EPB41L5: variants seen among roughly 807,000 people sequenced by gnomAD.
EPB41L5 encodes the protein erythrocyte membrane protein band 4.1 like 5.
A neutral mutation model predicts 106.6 loss-of-function variants in EPB41L5; 55 were observed. The ratio of observed to expected loss-of-function variants is 0.52; its 90% CI spans 0.42 to 0.65. The LOEUF is 0.65. EPB41L5 is among the 30% of genes least tolerant of loss of function. EPB41L5 has a pLI of 0.00. For missense variants in EPB41L5, 871 were observed against 882.1 expected, an observed-to-expected ratio of 0.99 and a Z score of 0.16; for synonymous variants, 297 against 306.7, an observed-to-expected ratio of 0.97 and a Z score of 0.33.
chr2:120,120,853 C>T (rs1665062), intron 16 of EPB41L5, among the ~76,000 whole-genome samples: 151,966 of 152,340 alleles, frequency 1, 75,798 homozygotes, highest in Middle Eastern at 1. Context: ...CAGTGGCTCA[C>T]GCCTGCAATC....
intron 20 of EPB41L5, among the ~76,000 whole-genome samples, chr2:120,159,935 G>T (rs1289717256): frequency 6.6e-6 from 1 of 152,200 alleles, no homozygotes; most frequent in African/African-American, 2.4e-5. Flanking sequence ...AGAAATATGG[G>T]TGGAGCTGGA....
chr2:120,119,469 A>G (rs1013509953), intron 16 of EPB41L5, among the ~76,000 whole-genome samples: 1 of 152,060 alleles, frequency 6.6e-6, no homozygotes, highest in Non-Finnish European at 1.5e-5. Flanking sequence ...ATTTTCTTCT[A>G]GGGTTTTTAT....
At chr2:120,047,523 C>T (rs904658670) in intron 3 of EPB41L5, among the ~76,000 whole-genome samples, 4 of 151,948 alleles carry the variant, frequency 2.6e-5, no homozygotes, top group African/African-American at 9.7e-5. Flanking sequence ...TATCCTGAGA[C>T]TTTGCTGAAG....
intron 20 of EPB41L5, among the ~76,000 whole-genome samples, chr2:120,151,534 A>G (rs1686673041): frequency 6.7e-6 from 1 of 149,022 alleles, no homozygotes; most frequent in South Asian, 2.2e-4. Flanking sequence ...ACTACAAAAC[A>G]CCACTGACCT....
rs573477552 is a variant in EPB41L5, at chr2:120,048,542, TTCTG to T, written c.285+6436_285+6439del. Among the ~76,000 whole-genome samples the T allele has an allele frequency of 3.1e-3, 473 of 152,320 alleles. 2 individuals carry two copies. The highest frequency in any genetic ancestry group is 0.01 in the African/African-American group (428 of 41,580). On this transcript the variant is annotated intron_variant, in intron 3 of 24. Coordinates refer to ENST00000263713, the MANE Select transcript of EPB41L5 (RefSeq NM_020909.4). ...ATTTTTTATTGCGTCTATTTGATTC[TTCTG>T]TCTATTAGTCTTGCTAGCGGTCTGT...
At chr2:120,044,141 TAA>T (rs201677401) in intron 3 of EPB41L5, among the ~76,000 whole-genome samples, 48 of 130,934 alleles carry the variant, frequency 3.7e-4, no homozygotes, top group Non-Finnish European at 3.6e-4. Context: ...CCCTGTCTCT[TAA>T]AAAAAAAAAA....
chr2:120,165,934 C>T (rs1178588917), intron 22 of EPB41L5, among the ~76,000 whole-genome samples: 1 of 136,836 alleles, frequency 7.3e-6, no homozygotes, highest in African/African-American at 2.7e-5. Flanking sequence ...CACCATTGCA[C>T]TCCAGTCTGG....
At chr2:120,027,194 A>G (rs1678386401) in intron 2 of EPB41L5, among the ~76,000 whole-genome samples, 1 of 152,360 alleles carries the variant, frequency 6.6e-6, no homozygotes. Flanking sequence ...ATTTCTAGGT[A>G]TATCTCCAAG....
intron 2 of EPB41L5, among the ~76,000 whole-genome samples, chr2:120,025,323 G>A (rs1678230252): frequency 6.6e-6 from 1 of 152,150 alleles, no homozygotes; most frequent in Non-Finnish European, 1.5e-5. Flanking sequence ...TTGTATTTCT[G>A]TGGGATCAGT....
At chr2:120,102,192 CTT>C (rs1264572163) in intron 16 of EPB41L5, among the ~76,000 whole-genome samples, 2 of 152,126 alleles carry the variant, frequency 1.3e-5, no homozygotes, top group African/African-American at 4.8e-5. Flanking sequence ...GACACTGAAT[CTT>C]TGAGTTTTTC....
At chr2:120,139,386 GA>G (rs1384593328) in intron 18 of EPB41L5, among the ~76,000 whole-genome samples, 1 of 151,962 alleles carries the variant, frequency 6.6e-6, no homozygotes, top group Non-Finnish European at 1.5e-5. Context: ...AAAGTGAAGA[GA>G]TGACCCACAG....
intron 1 of EPB41L5, among the ~76,000 whole-genome samples, chr2:120,018,761 C>T (rs1455250743): frequency 6.6e-6 from 1 of 152,078 alleles, no homozygotes; most frequent in Non-Finnish European, 1.5e-5. Context: ...ATCCTTCTGC[C>T]TCACAGCCCC....
intron 24 of EPB41L5, among the ~76,000 whole-genome samples, chr2:120,172,941 G>A (rs1687748860): frequency 6.6e-6 from 1 of 152,140 alleles, no homozygotes; most frequent in Non-Finnish European, 1.5e-5. Flanking sequence ...TACCTGAGAG[G>A]TTAGGGATAG....
At chr2:120,045,588 A>G (rs72840494) in intron 3 of EPB41L5, among the ~76,000 whole-genome samples, 7,002 of 152,284 alleles carry the variant, frequency 0.046, 230 homozygotes, top group Non-Finnish European at 0.071. Flanking sequence ...GACTGTATTC[A>G]GATAATGTTA....
intron 3 of EPB41L5, among the ~76,000 whole-genome samples, chr2:120,050,619 C>T (rs368567250): frequency 8.5e-5 from 13 of 152,170 alleles, no homozygotes; most frequent in Non-Finnish European, 1.5e-4. Context: ...TCCTTTAGCT[C>T]GGAGAAGTTT....
chr2:120,090,783 T>C (rs142815835), intron 12 of EPB41L5, among the ~76,000 whole-genome samples: 4 of 152,340 alleles, frequency 2.6e-5, no homozygotes, highest in Admixed American at 2.6e-4. Flanking sequence ...CCAGTTTATC[T>C]ATTTAACAAG....
chr2:120,059,279 G>C (rs1246620894), intron 3 of EPB41L5, among the ~76,000 whole-genome samples: 1 of 152,132 alleles, frequency 6.6e-6, no homozygotes, highest in Non-Finnish European at 1.5e-5. Context: ...CTGGATATCT[G>C]TAAGACAGAA....
intron 16 of EPB41L5, among the ~76,000 whole-genome samples, chr2:120,113,251 C>T (rs183886660): frequency 3.9e-5 from 6 of 152,152 alleles, no homozygotes; most frequent in African/African-American, 9.7e-5. Context: ...AGTAAGTGCA[C>T]GCACACATGC....
Position 120,044,490 on chromosome 2 carries a change from C to G in EPB41L5, c.285+2380C>G, listed in dbSNP as rs563418530. Reference sequence around the variant, plus strand: ...AAAGCCTTACAATCAGATGAATGAACAGATGATATTAAGGATAAACAATCT... The same window carrying G: ...AAAGCCTTACAATCAGATGAATGAAGAGATGATATTAAGGATAAACAATCT... On this transcript the variant is annotated intron_variant, in intron 3 of 24. Coordinates refer to ENST00000263713, the MANE Select transcript of EPB41L5 (RefSeq NM_020909.4). Among the ~76,000 whole-genome samples, 7 of 152,204 alleles carry G rather than the reference C, an allele frequency of 4.6e-5. No homozygotes were observed. In the South Asian group the frequency reaches 1.2e-3, roughly 27 times the overall value.
Sources: allele counts gnomAD v4.1 joint callset (sites outside exome capture counted in the v4.1 genomes callset), GRCh38; gene constraint gnomAD v4.1.1; transcripts MANE v1.5; gene names NCBI Gene and HGNC (gene_info 2026-07-23, HGNC 2026-07-21).